MACROD1: variants seen among roughly 807,000 people sequenced by gnomAD.
MACROD1 encodes mono-ADP ribosylhydrolase 1.
Under a neutral mutation model 41.4 loss-of-function variants are expected in MACROD1, and 31 were observed. The ratio of observed to expected loss-of-function variants is 0.75; its 90% CI spans 0.56 to 1.01. The LOEUF is 1.01. MACROD1 is among the 50% of genes least tolerant of loss of function. The pLI is 0.00. For synonymous variants in MACROD1, 252 were observed against 203.4 expected, an observed-to-expected ratio of 1.24 and a Z score of -2.03; for missense variants, 473 against 460.0, an observed-to-expected ratio of 1.03 and a Z score of -0.26.
At chr11:64,012,198 G>T (rs185386490) in intron 4 of MACROD1, among the ~76,000 whole-genome samples, 2 of 152,118 alleles carry the variant, frequency 1.3e-5, no homozygotes, top group African/African-American at 4.8e-5. Flanking sequence ...CTAAATGCTG[G>T]AAGGAGAACC....
At chr11:64,164,181 G>C (rs570168159) in intron 1 of MACROD1, among the ~76,000 whole-genome samples, 1 of 152,224 alleles carries the variant, frequency 6.6e-6, no homozygotes, top group Non-Finnish European at 1.5e-5. Context: ...ACATGTCTGA[G>C]TCCCCAGCCT....
intron 3 of MACROD1, among the ~76,000 whole-genome samples, chr11:64,139,741 G>T (rs529239286): frequency 6.6e-6 from 1 of 152,020 alleles, no homozygotes; most frequent in East Asian, 1.9e-4. Context: ...CGGATCACGA[G>T]GTCAGGAGAT....
intron 7 of MACROD1, 51 bp from the exon 8 acceptor site, chr11:63,999,455 C>T (rs1358385113): frequency 6.4e-7 from 1 of 1,560,870 alleles, no homozygotes; most frequent in Non-Finnish European, 8.7e-7. Context: ...CCGCCCACTC[C>T]CCTGTCCGCC....
intron 3 of MACROD1, among the ~76,000 whole-genome samples, chr11:64,092,976 C>T (rs1429257044): frequency 6.6e-6 from 1 of 152,224 alleles, no homozygotes; most frequent in African/African-American, 2.4e-5. Context: ...GTTCGGCTTG[C>T]AGCCTCCAGC....
In MACROD1 at chr11:64,042,696, C is replaced by A. The variant is rs149178846; in HGVS notation, c.518-27415G>T. Among the ~76,000 whole-genome samples the A allele has an allele frequency of 3.3e-3, 506 of 152,294 alleles. 3 individuals carry two copies. Among genetic ancestry groups the A allele is most frequent in the Non-Finnish European group, 5.3e-3 (361 of 67,994 alleles). ...GGGAGATAGACAACACTCCCCTGAT[C>A]CCCCAGTCACAGTGGGGTGCTTCAT... On this transcript the variant is annotated intron_variant, in intron 3 of 10. Coordinates refer to ENST00000255681, the MANE Select transcript of MACROD1 (RefSeq NM_014067.4).
intron 1 of MACROD1, among the ~76,000 whole-genome samples, chr11:64,162,221 G>A (rs1451569096): frequency 2.6e-5 from 4 of 152,194 alleles, no homozygotes; most frequent in African/African-American, 9.7e-5. Flanking sequence ...GCGTATGCCT[G>A]TAGTTCCAGC....
chr11:64,012,529 TA>T (rs1410662888), intron 4 of MACROD1, among the ~76,000 whole-genome samples: 1 of 151,518 alleles, frequency 6.6e-6, no homozygotes, highest in Non-Finnish European at 1.5e-5. Context: ...GCCTTCTGAG[TA>T]GCTGGGATTA....
intron 4 of MACROD1, among the ~76,000 whole-genome samples, chr11:64,013,539 G>A (rs1228486996): frequency 6.6e-6 from 1 of 152,212 alleles, no homozygotes; most frequent in Non-Finnish European, 1.5e-5. Flanking sequence ...ACTGTGAGAG[G>A]TGACTGGGGA....
chr11:64,014,483 G>A (rs747332264), intron 4 of MACROD1, among the ~76,000 whole-genome samples: 16 of 152,178 alleles, frequency 1.1e-4, no homozygotes, highest in Non-Finnish European at 2.1e-4. Context: ...CACCGCTGCC[G>A]TAAACACGGC....
At chr11:64,126,124 C>CA (rs1945176523) in intron 3 of MACROD1, among the ~76,000 whole-genome samples, 1 of 152,174 alleles carries the variant, frequency 6.6e-6, no homozygotes, top group Non-Finnish European at 1.5e-5. Context: ...AAGACACCCC[C>CA]ACAAAACCCC....
At chr11:64,156,504 T>C (rs1945670938) in intron 1 of MACROD1, among the ~76,000 whole-genome samples, 1 of 152,102 alleles carries the variant, frequency 6.6e-6, no homozygotes, top group Non-Finnish European at 1.5e-5. Context: ...GGGAATCCCA[T>C]GGAACTAGAC....
intron 3 of MACROD1, among the ~76,000 whole-genome samples, chr11:64,018,089 G>T (rs1943106328): frequency 6.6e-6 from 1 of 152,202 alleles, no homozygotes; most frequent in East Asian, 1.9e-4. Flanking sequence ...GGAAGACTTT[G>T]CTGGGTGGAG....
In MACROD1 at chr11:64,099,906, T is replaced by C. The variant is rs546091190; in HGVS notation, c.517+51333A>G. ...AGAAATGGAGGGAGAGATGGAAGGATGGAGGGATGGATGGATGGAGGGGTG... is the reference window on the plus strand; with the variant it reads ...AGAAATGGAGGGAGAGATGGAAGGACGGAGGGATGGATGGATGGAGGGGTG... On this transcript the variant is annotated intron_variant, in intron 3 of 10. Coordinates refer to ENST00000255681, the MANE Select transcript of MACROD1 (RefSeq NM_014067.4). Among the ~76,000 whole-genome samples the C allele has an allele frequency of 2.0e-5, 3 of 151,444 alleles. No homozygotes were observed. In the East Asian group the frequency reaches 5.8e-4, roughly 29 times the overall value.
At position 64,120,004 on chromosome 11, in the gene MACROD1, G is replaced by A. The variant is rs192094624; in HGVS notation, c.517+31235C>T. Among the ~76,000 whole-genome samples, 8 of 152,308 alleles carry A rather than the reference G, an allele frequency of 5.3e-5. No individual in the cohort carries two copies. The highest frequency in any genetic ancestry group is 1.9e-4 in the African/African-American group (8 of 41,574). Reference sequence around the variant, plus strand: ...AACGTCAAAGAGGAGATGCTGGTCCGAGGGCAGGAGGATGAGAGGGCTGGG... The same window carrying A: ...AACGTCAAAGAGGAGATGCTGGTCCAAGGGCAGGAGGATGAGAGGGCTGGG... On this transcript the variant is annotated intron_variant, in intron 3 of 10. Transcript: ENST00000255681. This position sits in a 1 kb window ranked among gnomAD's most constrained non-coding sequence, Gnocchi z 4.5.
intron 4 of MACROD1, chr11:64,009,163 C>T (rs1021832009): frequency 2.0e-5 from 3 of 152,082 alleles, no homozygotes; most frequent in Non-Finnish European, 4.4e-5. Flanking sequence ...AGGAGAGACA[C>T]GGGCGTCAGG....
In MACROD1 at chr11:64,005,633, C is replaced by T. The variant is rs139000537; in HGVS notation, c.548-5290G>A. Among the ~76,000 whole-genome samples, 14 of 152,368 alleles carry T rather than the reference C, an allele frequency of 9.2e-5. No individual in the cohort carries two copies. The East Asian group carries it at 1.5e-3, about 17-fold the overall frequency. ...CTCATACCTCTCTGGCTCAACCTCACGCCTCTGAAATGAGCTTTTGGGGGC... is the reference window on the plus strand; with the variant it reads ...CTCATACCTCTCTGGCTCAACCTCATGCCTCTGAAATGAGCTTTTGGGGGC... On this transcript the variant is annotated intron_variant, in intron 4 of 10. Coordinates refer to ENST00000255681, the MANE Select transcript of MACROD1 (RefSeq NM_014067.4).
At chr11:64,116,034 C>T (rs984478031) in intron 3 of MACROD1, among the ~76,000 whole-genome samples, 3 of 152,208 alleles carry the variant, frequency 2.0e-5, no homozygotes, top group East Asian at 1.9e-4. Flanking sequence ...CCGACCTCGG[C>T]GGGAGCAATC....
chr11:64,117,675 C>T (rs1342998224), intron 3 of MACROD1: 7 of 1,613,462 alleles, frequency 4.3e-6, no homozygotes, highest in African/African-American at 1.3e-5. Context: ...CAGTTGGCTG[C>T]GCCTGGGCCA....
intron 3 of MACROD1, chr11:64,118,919 T>C (rs1346499334): frequency 6.0e-6 from 1 of 166,322 alleles, no homozygotes; most frequent in Non-Finnish European, 1.5e-5. Context: ...AACAATCATG[T>C]AGTCGATTAA....
Sources: gnomAD v4.1 joint callset for allele counts (sites outside exome capture counted in the v4.1 genomes callset) on GRCh38, gnomAD v4.1.1 for gene constraint, Gnocchi (gnomAD v3.1) non-coding constraint, MANE v1.5 for transcripts, NCBI Gene and HGNC (gene_info 2026-07-23, HGNC 2026-07-21) for gene names.